The following PROS1 variants were observed in gnomAD, a reference collection of about 807,000 sequenced individuals.
PROS1 encodes vitamin K-dependent protein S.
A neutral mutation model predicts 75.9 loss-of-function variants in PROS1; 29 were observed. The observed-to-expected ratio is 0.38, with a 90% CI of 0.28 to 0.52. The LOEUF is 0.52. PROS1 is among the 20% of genes least tolerant of loss of function. The pLI is 0.83. For missense variants in PROS1, 680 were observed against 810.3 expected, an observed-to-expected ratio of 0.84 and a Z score of 1.95; for synonymous variants, 245 against 280.6, an observed-to-expected ratio of 0.87 and a Z score of 1.27.
chr3:93,926,569 C>A (rs1233281706), intron 2 of PROS1, among the ~76,000 whole-genome samples: 1 of 152,080 alleles, frequency 6.6e-6, no homozygotes, highest in Non-Finnish European at 1.5e-5. Context: ...GAAGTGGGGG[C>A]TACAGTGAGC....
chr3:93,889,157 C>G (rs2107144266), intron 10 of PROS1, among the ~76,000 whole-genome samples: 1 of 152,228 alleles, frequency 6.6e-6, no homozygotes, highest in East Asian at 1.9e-4. Flanking sequence ...GATGCCTTTC[C>G]TGATTCTATA....
intron 14 of PROS1, 46 bp downstream of exon 14, chr3:93,876,920 T>C: frequency 8.2e-7 from 1 of 1,226,192 alleles, no homozygotes; most frequent in Non-Finnish European, 1.2e-6. Context: ...ATTATCGGTT[T>C]GATTAAAATA....
At chr3:93,908,251 G>T (rs180834482) in intron 4 of PROS1, among the ~76,000 whole-genome samples, 2 of 152,246 alleles carry the variant, frequency 1.3e-5, no homozygotes, top group East Asian at 3.9e-4. Context: ...TAAAATAATG[G>T]TTTTTCAAAT....
In PROS1 at chr3:93,877,004, A is replaced by G. The variant is rs750531364; in HGVS notation, c.1832T>C (p.Met611Thr). ...QRQLAVLDKA[M>T]KAKVATYLGG... ...CAGGTATGTGGCCACTTTTGCTTTC[A>G]TTGCTTTGTCCAAGACGGCAAGTTG... The change falls in exon 14 of 15, where the codon ATG becomes ACG. Residue 611 changes from methionine to threonine, a missense_variant. Met to Thr is a moderately conservative substitution (Grantham distance 81). Transcript: ENST00000394236. The G allele has an allele frequency of 1.1e-5, 17 of 1,613,004 alleles. No individual in the cohort carries two copies. Among genetic ancestry groups the G allele is most frequent in the Non-Finnish European group, 1.4e-5 (17 of 1,179,244 alleles).
intron 1 of PROS1, chr3:93,958,441 G>C (rs529842569): frequency 3.3e-5 from 5 of 152,178 alleles, no homozygotes; most frequent in Non-Finnish European, 7.3e-5. Context: ...TCCAACATCT[G>C]TCAAAACCTC....
intron 3 of PROS1, among the ~76,000 whole-genome samples, chr3:93,917,131 A>G (rs772185994): frequency 3.3e-5 from 5 of 152,214 alleles, no homozygotes; most frequent in Non-Finnish European, 7.3e-5. Flanking sequence ...CTTTGACAGT[A>G]TATTATGATC....
intron 1 of PROS1, among the ~76,000 whole-genome samples, chr3:93,945,226 T>C (rs934912198): frequency 2.0e-5 from 3 of 152,250 alleles, no homozygotes; most frequent in South Asian, 2.1e-4. Context: ...CTACCAGAGA[T>C]ACAAACAGGA....
At chr3:93,952,589 G>A (rs1576213409) in intron 1 of PROS1, among the ~76,000 whole-genome samples, 1 of 152,220 alleles carries the variant, frequency 6.6e-6, no homozygotes, top group South Asian at 2.1e-4. Flanking sequence ...GTGTGTAGAG[G>A]GAAATTTATA....
At position 93,900,927 on chromosome 3, in the gene PROS1, C is replaced by A; in HGVS notation, c.604G>T (p.Val202Leu). ...CTTGGCTTCAAAGAGCATTCATCCA[C>A]ATCTATAAATAAAATCACTATATTA... ...MLSNKKDCKD[V>L]DECSLKPSIC... Residue 202 changes from valine to leucine, a missense_variant and splice_region_variant, in exon 7 of 15, where the codon GTG (valine) becomes TTG (leucine). By Grantham distance (32) the Val-to-Leu change is conservative. Coordinates refer to ENST00000394236, the MANE Select transcript of PROS1 (RefSeq NM_000313.4). 6.2e-7 allele frequency: 1 copy of A among 1,613,710 alleles called. No homozygotes were observed. The highest frequency in any genetic ancestry group is 8.5e-7 in the Non-Finnish European group (1 of 1,179,880).
At chr3:93,942,723 G>A (rs542727584) in intron 1 of PROS1, among the ~76,000 whole-genome samples, 3 of 152,192 alleles carry the variant, frequency 2.0e-5, no homozygotes, top group South Asian at 2.1e-4. Context: ...TTCCATTTAG[G>A]TTACAAGCCA....
chr3:93,956,367 C>G (rs1460261832), intron 1 of PROS1, among the ~76,000 whole-genome samples: 1 of 152,066 alleles, frequency 6.6e-6, no homozygotes, highest in Non-Finnish European at 1.5e-5. Flanking sequence ...CATGATGGCT[C>G]ATGCCTGTAG....
chr3:93,891,751 T>C (rs1372980422), intron 10 of PROS1, among the ~76,000 whole-genome samples: 3 of 152,066 alleles, frequency 2.0e-5, no homozygotes, highest in Admixed American at 6.5e-5. Flanking sequence ...TGCTAATGTA[T>C]ATCATTTGCA....
chr3:93,921,965 C>T (rs1037189366), intron 3 of PROS1, among the ~76,000 whole-genome samples: 10 of 152,042 alleles, frequency 6.6e-5, no homozygotes, highest in Non-Finnish European at 1.3e-4. Flanking sequence ...TTTGTTTTCT[C>T]AATTGGAAAG....
At chr3:93,875,624 CTCTATCTATCTATCTA>C (rs56899294) in intron 14 of PROS1, among the ~76,000 whole-genome samples, 11,827 of 148,190 alleles carry the variant, frequency 0.08, 691 homozygotes, top group African/African-American at 0.16. Context: ...CACTACTTAC[CTCTATCTATCTATCTA>C]TCTATCTATC....
intron 12 of PROS1, among the ~76,000 whole-genome samples, chr3:93,881,988 A>G (rs1179262120): frequency 1.3e-5 from 2 of 152,230 alleles, no homozygotes; most frequent in African/African-American, 4.8e-5. Flanking sequence ...ACTACTAAAA[A>G]AGAAAAAGAC....
At chr3:93,886,278 A>G in intron 11 of PROS1, 58 bp downstream of exon 11, 1 of 1,489,914 alleles carries the variant, frequency 6.7e-7, no homozygotes, top group South Asian at 1.1e-5. Flanking sequence ...ACATATTCAA[A>G]TCTATTACAG....
chr3:93,928,375 A>T (rs1709058177), intron 1 of PROS1, among the ~76,000 whole-genome samples: 1 of 151,740 alleles, frequency 6.6e-6, no homozygotes. Flanking sequence ...CTATGTCAAA[A>T]GCCATAGTCT....
chr3:93,925,351 A>G lies in PROS1; in HGVS notation c.235-1087T>C, dbSNP rs1197834521. Among the ~76,000 whole-genome samples, 7 of 152,164 alleles carry G rather than the reference A, an allele frequency of 4.6e-5. 1 individual carries two copies. Among genetic ancestry groups the G allele is most frequent in the Admixed American group, 3.3e-4 (5 of 15,278 alleles). The stretch of plus-strand genomic sequence containing the variant: ...TCCTCCTCTCATATAAACCTACACA[A>G]TAGATAATGGGATTCAAAGGTGATA... On this transcript the variant is annotated intron_variant, in intron 2 of 14. Coordinates refer to ENST00000394236, the MANE Select transcript of PROS1 (RefSeq NM_000313.4).
chr3:93,958,986 G>C (rs1709656284), intron 1 of PROS1, among the ~76,000 whole-genome samples: 1 of 152,164 alleles, frequency 6.6e-6, no homozygotes, highest in Non-Finnish European at 1.5e-5. Context: ...AGAGGCAGAG[G>C]AATTCAGGGT....
Sources: gnomAD v4.1 joint callset for allele counts (sites outside exome capture counted in the v4.1 genomes callset) on GRCh38, gnomAD v4.1.1 for gene constraint, MANE v1.5 for transcripts, NCBI Gene and HGNC (gene_info 2026-07-23, HGNC 2026-07-21) for gene names.